Variants in PSEN1 observed in about 807,000 individuals in gnomAD.
The protein encoded by PSEN1 is presenilin 1.
Under a neutral mutation model 53.5 loss-of-function variants are expected in PSEN1, and 15 were observed. The ratio of observed to expected loss-of-function variants is 0.28; its 90% CI spans 0.19 to 0.43. PSEN1 has a LOEUF of 0.43. Among genes scored for constraint, PSEN1 ranks in the 20% least tolerant of loss-of-function variants. The pLI is 1.00. For synonymous variants in PSEN1, 208 were observed against 209.8 expected (o/e 0.99, Z 0.08); for missense variants, 387 against 571.2 (o/e 0.68, Z 3.29).
intron 5 of PSEN1, among the ~76,000 whole-genome samples, chr14:73,183,712 C>G (rs1482300375): frequency 4.6e-5 from 7 of 151,066 alleles, no homozygotes; most frequent in East Asian, 1.9e-4. Context: ...TACACAGACA[C>G]GGCAACCATC....
intron 1 of PSEN1, among the ~76,000 whole-genome samples, chr14:73,144,414 T>C (rs957985352): frequency 2.0e-5 from 3 of 152,236 alleles, no homozygotes; most frequent in Non-Finnish European, 4.4e-5. Flanking sequence ...GCTTCAGTTT[T>C]GAATTTATAC....
intron 7 of PSEN1, 138 bp downstream of exon 7, chr14:73,193,002 A>G (rs532424970): frequency 4.5e-5 from 34 of 751,286 alleles, no homozygotes; most frequent in Admixed American, 4.2e-4. Context: ...TTAATTAGCT[A>G]TAGTAACTTT....
rs149312199 is a variant in PSEN1 at position 73,195,261 on chromosome 14, C to T, written c.769+2397C>T. ...GATCTCAGCTCACTACAACCTCTCC[C>T]TCCCGGGATCAAGCGATTCTCCTGC... On this transcript the variant is annotated intron_variant, in intron 7 of 11. Coordinates refer to ENST00000324501, the MANE Select transcript of PSEN1 (RefSeq NM_000021.4). Among the ~76,000 whole-genome samples, 910 of 152,058 alleles carry T rather than the reference C, an allele frequency of 6.0e-3. 12 individuals carry two copies. Among genetic ancestry groups the T allele is most frequent in the African/African-American group, 0.021 (862 of 41,484 alleles).
chr14:73,218,895 T>C (rs1321957468), intron 11 of PSEN1, among the ~76,000 whole-genome samples: 1 of 152,250 alleles, frequency 6.6e-6, no homozygotes, highest in Non-Finnish European at 1.5e-5. Context: ...ATTCTATTTC[T>C]TTACTAGAAT....
At chr14:73,212,039 C>CAG in intron 10 of PSEN1, 97 bp downstream of exon 10, 1 of 784,132 alleles carries the variant, frequency 1.3e-6, no homozygotes, top group Non-Finnish European at 1.9e-6. Flanking sequence ...GTGTTACAGT[C>CAG]TAATTCTATA....
intron 3 of PSEN1, 109 bp from the exon 4 acceptor site, chr14:73,170,688 A>T: frequency 1.7e-6 from 2 of 1,173,964 alleles, no homozygotes; most frequent in African/African-American, 1.5e-5. Context: ...TTCTTGCTTC[A>T]GGTTTTTAGA....
At chr14:73,144,565 A>G (rs1389772815) in intron 1 of PSEN1, among the ~76,000 whole-genome samples, 1 of 152,194 alleles carries the variant, frequency 6.6e-6, no homozygotes, top group Admixed American at 6.6e-5. Context: ...AAGAGGCAAT[A>G]TAGTGTACTC....
At chr14:73,193,788 C>T (rs535128038) in intron 7 of PSEN1, among the ~76,000 whole-genome samples, 11 of 151,934 alleles carry the variant, frequency 7.2e-5, no homozygotes, top group Non-Finnish European at 1.0e-4. Flanking sequence ...TCTCAAGTAG[C>T]TAGAACTACA....
At chr14:73,211,138 T>C (rs181543549) in intron 9 of PSEN1, among the ~76,000 whole-genome samples, 77 of 152,340 alleles carry the variant, frequency 5.1e-4, no homozygotes, top group Non-Finnish European at 7.3e-4. Context: ...AAGAAATTTA[T>C]TCTTTCACGT....
intron 3 of PSEN1, chr14:73,160,065 C>A (rs1897484350): frequency 3.6e-6 from 1 of 277,730 alleles, no homozygotes; most frequent in Non-Finnish European, 8.0e-6. Flanking sequence ...CTCAAGTAAT[C>A]CTCCCACTTT....
intron 9 of PSEN1, among the ~76,000 whole-genome samples, chr14:73,207,717 G>C (rs1899509080): frequency 6.6e-6 from 1 of 152,204 alleles, no homozygotes; most frequent in South Asian, 2.1e-4. Flanking sequence ...CAGGCCCACT[G>C]GGCTCATTCC....
At chr14:73,214,338 C>A (rs933574522) in intron 10 of PSEN1, among the ~76,000 whole-genome samples, 1 of 151,932 alleles carries the variant, frequency 6.6e-6, no homozygotes, top group African/African-American at 2.4e-5. Flanking sequence ...CGAGACCAGC[C>A]CAACCAACAT....
intron 5 of PSEN1, among the ~76,000 whole-genome samples, chr14:73,184,030 C>T (rs1321464528): frequency 3.1e-5 from 4 of 129,262 alleles, no homozygotes; most frequent in African/African-American, 6.5e-5. Flanking sequence ...ACCTCCCGGA[C>T]GGGGCGGCTG....
At chr14:73,174,786 T>C (rs888262088) in intron 5 of PSEN1, among the ~76,000 whole-genome samples, 6 of 152,176 alleles carry the variant, frequency 3.9e-5, no homozygotes, top group African/African-American at 1.4e-4. Context: ...CCATCTCCAC[T>C]GTACTACTTC....
chr14:73,212,047 A>AT (rs930729285), intron 10 of PSEN1, 105 bp downstream of exon 10: 1 of 680,186 alleles, frequency 1.5e-6, no homozygotes, highest in Non-Finnish European at 2.3e-6. Context: ...GTCTAATTCT[A>AT]TATCACATGT....
chr14:73,220,216 G>C lies in PSEN1; in HGVS notation c.*927G>C, dbSNP rs1358566867. The C allele has an allele frequency of 6.6e-6, 1 of 152,318 alleles. No homozygotes were observed. Among genetic ancestry groups the C allele is most frequent in the Non-Finnish European group, 1.5e-5 (1 of 68,064 alleles). The allele number at this position is 152,318 out of a possible 1,614,324, so 9.4% of individuals were successfully genotyped here. ...CCCACACAAGCAGTCTTTTTCTACAGCCAGTAAGGCAGCTCTGTCGTGGTA... is the reference window on the plus strand; with the variant it reads ...CCCACACAAGCAGTCTTTTTCTACACCCAGTAAGGCAGCTCTGTCGTGGTA... On this transcript the variant is annotated 3_prime_UTR_variant, in exon 12 of 12. Transcript: ENST00000324501.
intron 7 of PSEN1, among the ~76,000 whole-genome samples, chr14:73,194,388 A>G (rs996422224): frequency 4.0e-5 from 6 of 151,812 alleles, no homozygotes; most frequent in Non-Finnish European, 7.4e-5. Context: ...TTCAAAGTAG[A>G]TAGAACTACA....
intron 6 of PSEN1, among the ~76,000 whole-genome samples, chr14:73,187,626 G>A (rs1243384350): frequency 6.6e-6 from 1 of 152,122 alleles, no homozygotes; most frequent in Non-Finnish European, 1.5e-5. Flanking sequence ...TATCTAAACA[G>A]AGTAAAGAAG....
intron 3 of PSEN1, among the ~76,000 whole-genome samples, chr14:73,150,124 G>A (rs1299463433): frequency 1.3e-5 from 2 of 152,166 alleles, no homozygotes; most frequent in Non-Finnish European, 2.9e-5. Flanking sequence ...GGCACATAAT[G>A]TAATAGGCAC....
Sources: allele counts gnomAD v4.1 joint callset (sites outside exome capture counted in the v4.1 genomes callset), GRCh38; gene constraint gnomAD v4.1.1; transcripts MANE v1.5; gene names NCBI Gene and HGNC (gene_info 2026-07-23, HGNC 2026-07-21).